The following SPATA19 variants were observed in gnomAD, a reference collection of about 807,000 sequenced individuals.
SPATA19 encodes the protein spermatogenesis associated 19.
A neutral mutation model predicts 25.0 loss-of-function variants in SPATA19; 19 were observed. The ratio of observed to expected loss-of-function variants is 0.76; its 90% CI spans 0.53 to 1.11. SPATA19 has a LOEUF of 1.11. Among genes scored for constraint, SPATA19 ranks in the 50% most tolerant of loss-of-function variants. The pLI, the probability that SPATA19 is intolerant of heterozygous loss-of-function variation, is 0.00. For missense variants in SPATA19, 222 were observed against 211.4 expected (o/e 1.05, Z -0.31); for synonymous variants, 64 against 69.3 (o/e 0.92, Z 0.38).
At chr11:133,844,486 C>G (rs1241404884) in intron 3 of SPATA19, 23 bp downstream of exon 3, 1 of 1,614,154 alleles carries the variant, frequency 6.2e-7, no homozygotes, top group Non-Finnish European at 8.5e-7. Flanking sequence ...TACTCCCAGG[C>G]AAGGTCTCAA....
chr11:133,839,046 G>A (rs1389294566), downstream of SPATA19, among the ~76,000 whole-genome samples: 1 of 152,202 alleles, frequency 6.6e-6, no homozygotes, highest in Non-Finnish European at 1.5e-5. Flanking sequence ...TGCTGGAGAG[G>A]ATGTGGAGAA....
At chr11:133,841,968 C>G (rs1938318315) in intron 6 of SPATA19, 62 bp downstream of exon 6, 2 of 1,472,254 alleles carry the variant, frequency 1.4e-6, no homozygotes, top group Admixed American at 3.3e-5. Context: ...CTGCAGTGCC[C>G]CTTCCCACTG....
At chr11:133,839,041 G>T (rs959571753), downstream of SPATA19, among the ~76,000 whole-genome samples, 1 of 152,214 alleles carries the variant, frequency 6.6e-6, no homozygotes, top group Non-Finnish European at 1.5e-5. Context: ...ACAGGTGCTG[G>T]AGAGGATGTG....
chr11:133,838,850 C>A (rs1427414660), downstream of SPATA19, among the ~76,000 whole-genome samples: 2 of 152,102 alleles, frequency 1.3e-5, no homozygotes, highest in Non-Finnish European at 2.9e-5. Context: ...AACAAACAAC[C>A]CCATCAAAAA....
downstream of SPATA19, among the ~76,000 whole-genome samples, chr11:133,837,142 G>A (rs552765475): frequency 1.4e-4 from 21 of 152,284 alleles, no homozygotes; most frequent in African/African-American, 4.8e-4. Context: ...AAAGAGCTTG[G>A]AAGTCATCAC....
chr11:133,839,619 A>T (rs148405947), downstream of SPATA19, among the ~76,000 whole-genome samples: 1 of 152,142 alleles, frequency 6.6e-6, no homozygotes, highest in Admixed American at 6.6e-5. Flanking sequence ...AACATGGCAC[A>T]TGTATACATA....
chr11:133,838,691 A>G (rs539192667), downstream of SPATA19, among the ~76,000 whole-genome samples: 205 of 152,330 alleles, frequency 1.3e-3, 1 homozygote, highest in Non-Finnish European at 2.3e-3. Context: ...GGATCTAATT[A>G]AACTAAAGAG....
chr11:133,839,019 A>G (rs185255600), downstream of SPATA19, among the ~76,000 whole-genome samples: 13 of 152,358 alleles, frequency 8.5e-5, no homozygotes, highest in Non-Finnish European at 1.8e-4. Context: ...ATCATTAAAA[A>G]GTCAGGAAAC....
intron 4 of SPATA19, among the ~76,000 whole-genome samples, chr11:133,842,784 C>T (rs1938337454): frequency 6.6e-6 from 1 of 151,992 alleles, no homozygotes; most frequent in Admixed American, 6.6e-5. Context: ...AGCAGACTGT[C>T]CCGGGGAGAG....
downstream of SPATA19, among the ~76,000 whole-genome samples, chr11:133,838,479 G>A (rs965900833): frequency 1.3e-5 from 2 of 152,340 alleles, no homozygotes; most frequent in African/African-American, 2.4e-5. Flanking sequence ...CTAGCCATAT[G>A]TAGAAAGCTG....
chr11:133,845,243 T>TCC, intron 1 of SPATA19, 53 bp from the exon 2 acceptor site: 3 of 1,555,094 alleles, frequency 1.9e-6, no homozygotes, highest in East Asian at 2.3e-5. Context: ...ATTCAGCTCT[T>TCC]CCCACCCAGC....
In SPATA19 at chr11:133,844,621, C is replaced by A; in HGVS notation, c.155G>T (p.Arg52Leu). Reference sequence around the variant, plus strand: ...GATGGACAGCTTTTCCTTTATGCCCCGAGAAGCCTCTTCTTCTGTCTGAAA... The same window carrying A: ...GATGGACAGCTTTTCCTTTATGCCCAGAGAAGCCTCTTCTTCTGTCTGAAA... ...WLKKTEEEAS[R>L]GIKEKLSINH... The change falls in exon 3 of 7, where the codon CGG becomes CTG. Residue 52 changes from arginine to leucine, a missense_variant. Arg to Leu is a moderately radical substitution (Grantham distance 102). Coordinates refer to ENST00000299140, the MANE Select transcript of SPATA19 (RefSeq NM_174927.3). 6.2e-7 allele frequency: 1 copy of A among 1,609,782 alleles called. No individual in the cohort carries two copies. The highest frequency in any genetic ancestry group is 1.7e-5 in the Admixed American group (1 of 59,628).
downstream of SPATA19, among the ~76,000 whole-genome samples, chr11:133,840,042 A>C (rs749243406): frequency 2.6e-5 from 4 of 152,162 alleles, no homozygotes; most frequent in Non-Finnish European, 5.9e-5. Flanking sequence ...TCAAAGACAA[A>C]ATTTCTTGAA....
chr11:133,837,004 GC>G (rs1938224355), downstream of SPATA19, among the ~76,000 whole-genome samples: 1 of 152,142 alleles, frequency 6.6e-6, no homozygotes, highest in Admixed American at 6.5e-5. Flanking sequence ...TTGGCTTAGT[GC>G]TTGGATACAT....
chr11:133,837,545 T>C (rs916875636), downstream of SPATA19, among the ~76,000 whole-genome samples: 2 of 151,734 alleles, frequency 1.3e-5, no homozygotes, highest in Admixed American at 1.3e-4. Flanking sequence ...GAGCATTCTG[T>C]TCTCCTTAAC....
At chr11:133,837,722 C>T (rs1938237304), downstream of SPATA19, among the ~76,000 whole-genome samples, 1 of 152,162 alleles carries the variant, frequency 6.6e-6, no homozygotes, top group African/African-American at 2.4e-5. Flanking sequence ...GGGAAAGGCT[C>T]ACTAAACACT....
chr11:133,838,632 T>C (rs1267605464), downstream of SPATA19, among the ~76,000 whole-genome samples: 2 of 152,172 alleles, frequency 1.3e-5, no homozygotes, highest in Non-Finnish European at 2.9e-5. Flanking sequence ...AAGGACTTCA[T>C]GTCTAAAACA....
At position 133,845,132 on chromosome 11, in the gene SPATA19, A is replaced by C; in HGVS notation, c.135+2T>G. The C allele has an allele frequency of 3.1e-6, 5 of 1,613,446 alleles. No homozygotes were observed. The highest frequency in any genetic ancestry group is 4.2e-6 in the Non-Finnish European group (5 of 1,179,618). On this transcript the variant is annotated splice_donor_variant, in intron 2 of 6. Coordinates refer to ENST00000299140, the MANE Select transcript of SPATA19 (RefSeq NM_174927.3). LOFTEE classifies it high-confidence loss of function. ...CCTGAGTCATAAAGAAATCTTACTCACTTTTTTCAACCAATGATGTAGTAC... is the reference window on the plus strand; with the variant it reads ...CCTGAGTCATAAAGAAATCTTACTCCCTTTTTTCAACCAATGATGTAGTAC...
At chr11:133,844,165 A>G in intron 4 of SPATA19, 81 bp downstream of exon 4, 1 of 1,141,120 alleles carries the variant, frequency 8.8e-7, no homozygotes, top group Non-Finnish European at 1.3e-6. Context: ...TCTAGAGAAG[A>G]GCATCTGAGG....
Sources: allele counts gnomAD v4.1 joint callset (sites outside exome capture counted in the v4.1 genomes callset), GRCh38; gene constraint gnomAD v4.1.1; transcripts MANE v1.5; gene names NCBI Gene and HGNC (gene_info 2026-07-23, HGNC 2026-07-21).